SHOC2: variants seen among roughly 807,000 people sequenced by gnomAD.
The protein encoded by SHOC2 is leucine-rich repeat protein SHOC-2.
Under a neutral mutation model 50.2 loss-of-function variants are expected in SHOC2, and 4 were observed. The observed-to-expected ratio is 0.08, with a 90% CI of 0.04 to 0.18. The LOEUF is 0.18. Ranked by LOEUF, SHOC2 falls within the 10% of genes least tolerant of loss-of-function variation. SHOC2 has a pLI of 1.00. For missense variants in SHOC2, 388 were observed against 669.6 expected (o/e 0.58, Z 4.64); for synonymous variants, 218 against 244.5 (o/e 0.89, Z 1.01).
chr10:110,944,828 A>G (rs956395025), intron 1 of SHOC2, among the ~76,000 whole-genome samples: 2 of 152,204 alleles, frequency 1.3e-5, no homozygotes, highest in African/African-American at 2.4e-5. Flanking sequence ...ATTTCTTTAC[A>G]TGCCTGGAAC....
intron 1 of SHOC2, among the ~76,000 whole-genome samples, chr10:110,920,890 T>G (rs1269235470): frequency 6.6e-6 from 1 of 152,248 alleles, no homozygotes; most frequent in Non-Finnish European, 1.5e-5. Flanking sequence ...TCGTATACTT[T>G]TCTTAGATAC....
chr10:110,977,219 G>A (rs192655622), intron 2 of SHOC2, among the ~76,000 whole-genome samples: 19 of 151,828 alleles, frequency 1.3e-4, no homozygotes, highest in African/African-American at 4.6e-4. Flanking sequence ...TTTTCTCCTG[G>A]TTGTGGGTCA....
In SHOC2 at chr10:110,998,329, C is replaced by T. The variant is rs1160414932; in HGVS notation, c.842-2086C>T. Among the ~76,000 whole-genome samples the T allele has an allele frequency of 8.6e-5, 13 of 151,986 alleles. No individual in the cohort carries two copies. In the South Asian group the frequency reaches 1.7e-3, roughly 19 times the overall value. ...CAGTGATAGCAATAGTGAATATTCT[C>T]GTTCGTATTTCTAACCTCTAAATTT... On this transcript the variant is annotated intron_variant, in intron 3 of 8. Coordinates refer to ENST00000369452, the MANE Select transcript of SHOC2 (RefSeq NM_007373.4).
chr10:110,926,338 C>T (rs1345059039), intron 1 of SHOC2, among the ~76,000 whole-genome samples: 4 of 152,178 alleles, frequency 2.6e-5, no homozygotes, highest in African/African-American at 4.8e-5. Flanking sequence ...GAATAGTCTA[C>T]AGCTCCAAAA....
intron 1 of SHOC2, among the ~76,000 whole-genome samples, chr10:110,963,635 T>C (rs976512619): frequency 6.6e-6 from 1 of 152,194 alleles, no homozygotes; most frequent in Non-Finnish European, 1.5e-5. Flanking sequence ...ACATAGGCTG[T>C]GAGCACATAC....
intron 3 of SHOC2, among the ~76,000 whole-genome samples, chr10:110,993,422 A>G (rs1381369837): frequency 6.6e-6 from 1 of 152,198 alleles, no homozygotes. Context: ...GCTGAGAGTA[A>G]TGGACTTTGG....
chr10:111,000,295 A>T, intron 3 of SHOC2, 120 bp from the exon 4 acceptor site: 1 of 920,424 alleles, frequency 1.1e-6, no homozygotes, highest in Non-Finnish European at 1.7e-6. Context: ...CTAGAAGTTA[A>T]GGAACTTGCT....
In SHOC2 at chr10:111,004,734, C is replaced by A. The variant is rs777877344; in HGVS notation, c.1101C>A (p.Ile367=). The A allele has an allele frequency of 1.9e-6, 3 of 1,613,534 alleles. No homozygotes were observed. The highest frequency in any genetic ancestry group is 2.5e-6 in the Non-Finnish European group (3 of 1,179,554). Residue 367 remains isoleucine (I), a synonymous_variant, in exon 5 of 9, where the codon ATC becomes ATA. Transcript: ENST00000369452. ...CCCTCAACATGGAACACAATCGAAT[C>A]AACAAAATTCCATTTGGAATTTTCT... The part of the protein sequence containing the change: ...IYSLNMEHNR[I]NKIPFGIFSR...
chr10:110,986,835 T>C (rs914868435), intron 3 of SHOC2, among the ~76,000 whole-genome samples: 5 of 152,206 alleles, frequency 3.3e-5, no homozygotes, highest in Admixed American at 3.3e-4. Flanking sequence ...GATGATGTTA[T>C]CTTTCTCCAG....
At chr10:111,001,628 G>A (rs1848377922) in intron 4 of SHOC2, among the ~76,000 whole-genome samples, 1 of 152,170 alleles carries the variant, frequency 6.6e-6, no homozygotes, top group African/African-American at 2.4e-5. Context: ...GATTGATTGA[G>A]CTTTGCAGAG....
At chr10:110,994,611 TATC>T (rs1848238677) in intron 3 of SHOC2, among the ~76,000 whole-genome samples, 1 of 152,332 alleles carries the variant, frequency 6.6e-6, no homozygotes, top group African/African-American at 2.4e-5. Flanking sequence ...AAAATATTTC[TATC>T]ATCTGTTATA....
chr10:110,970,806 T>G (rs919111449), intron 2 of SHOC2, among the ~76,000 whole-genome samples: 1 of 151,920 alleles, frequency 6.6e-6, no homozygotes, highest in Admixed American at 6.6e-5. Context: ...CTTTCGATTT[T>G]CATTCCCCTG....
At chr10:110,919,737 C>T (rs1213970258) in intron 1 of SHOC2, 80 bp downstream of exon 1, 3 of 396,804 alleles carry the variant, frequency 7.6e-6, no homozygotes, top group Non-Finnish European at 1.3e-5. Context: ...GGCAGTCGGG[C>T]TGGCTGTCGG....
intron 1 of SHOC2, among the ~76,000 whole-genome samples, chr10:110,935,410 A>G (rs1359930564): frequency 6.6e-6 from 1 of 152,218 alleles, no homozygotes; most frequent in Non-Finnish European, 1.5e-5. Flanking sequence ...ACTACATAAT[A>G]TTCCCTTGAA....
chr10:110,964,041 G>C lies in SHOC2; in HGVS notation c.-234-84G>C. ...TTGAGAATGAAATCATAGGAAAATGGCAAACTCTAATAAGATTGTTTTTCA... is the reference window on the plus strand; with the variant it reads ...TTGAGAATGAAATCATAGGAAAATGCCAAACTCTAATAAGATTGTTTTTCA... On this transcript the variant is annotated intron_variant, in intron 1 of 8. Coordinates refer to ENST00000369452, the MANE Select transcript of SHOC2 (RefSeq NM_007373.4). This position sits in a 1 kb window ranked among gnomAD's most constrained non-coding sequence, Gnocchi z 4.9. 2.4e-6 allele frequency: 1 copy of C among 423,380 alleles called. No homozygotes were observed. The highest frequency in any genetic ancestry group is 4.1e-6 in the Non-Finnish European group (1 of 242,216). 26.2% of individuals were successfully genotyped at this position (423,380 alleles called of 1,614,324 possible). A position where few individuals can be genotyped will look rare whatever the true frequency, so the allele number is the denominator to read the frequency against.
At chr10:110,923,441 G>T (rs900173648) in intron 1 of SHOC2, among the ~76,000 whole-genome samples, 5 of 152,002 alleles carry the variant, frequency 3.3e-5, no homozygotes, top group Admixed American at 3.3e-4. Context: ...TTTTAACACA[G>T]CATCTTTAAT....
chr10:110,929,046 TAAC>T (rs1299276604), intron 1 of SHOC2, among the ~76,000 whole-genome samples: 1 of 152,244 alleles, frequency 6.6e-6, no homozygotes, highest in African/African-American at 2.4e-5. Context: ...TACCATAATA[TAAC>T]AACAATGATC....
chr10:110,983,009 A>G lies in SHOC2; in HGVS notation c.704-2619A>G, dbSNP rs557695947. On this transcript the variant is annotated intron_variant, in intron 2 of 8. Transcript: ENST00000369452. Reference sequence around the variant, plus strand: ...TAGTTACAAATATTTATTTAATGGCAGTAGTACTATTCAGGTTTTCTGTTT... The same window carrying G: ...TAGTTACAAATATTTATTTAATGGCGGTAGTACTATTCAGGTTTTCTGTTT... 2.6e-5 allele frequency among the ~76,000 whole-genome samples: 4 copies of G among 152,270 alleles called. No individual in the cohort carries two copies. In the South Asian group the frequency reaches 6.2e-4, roughly 24 times the overall value.
rs1213337163 is a variant in SHOC2 at position 111,007,737 on chromosome 10, C to G, written c.1284+84C>G. 4 of 1,328,920 alleles carry G rather than the reference C, an allele frequency of 3.0e-6. No homozygotes were observed. In the African/African-American group the frequency reaches 5.8e-5, roughly 19 times the overall value. 82.3% of individuals were successfully genotyped at this position (1,328,920 alleles called of 1,614,324 possible). ...AATTTCAAATTTAAATAAGCAATTT[C>G]TATTTGGGTGAATGTCATAATTAGA... On this transcript the variant is annotated intron_variant, in intron 6 of 8. Transcript: ENST00000369452.
Sources: allele counts gnomAD v4.1 joint callset (sites outside exome capture counted in the v4.1 genomes callset), GRCh38; gene constraint gnomAD v4.1.1; non-coding constraint Gnocchi (gnomAD v3.1); transcripts MANE v1.5; gene names NCBI Gene and HGNC (gene_info 2026-07-23, HGNC 2026-07-21).